MUC5B: variants seen among roughly 807,000 people sequenced by gnomAD.
MUC5B encodes the protein mucin-5B.
MUC5B carries 116 observed loss-of-function variants against 376.9 expected under a neutral mutation model. That is an observed-to-expected ratio of 0.31 (90% CI 0.26 to 0.36). The LOEUF is 0.36. Ranked by LOEUF, MUC5B falls within the 10% of genes least tolerant of loss-of-function variation. The pLI is 1.00. For synonymous variants in MUC5B, 3,517 were observed against 3,390.9 expected, an observed-to-expected ratio of 1.04 and a Z score of -1.29; for missense variants, 7,165 against 7,769.9, an observed-to-expected ratio of 0.92 and a Z score of 2.93.
At chr11:1,224,462 CTGCCTGGGGGGGAGGGGT>C (rs1256565749) in intron 1 of MUC5B, among the ~76,000 whole-genome samples, 3 of 137,622 alleles carry the variant, frequency 2.2e-5, no homozygotes, top group Admixed American at 7.4e-5. Context: ...AGGGGAGGGG[CTGCCTGGGGGGGAGGGGT>C]TGCCTGGGTT....
chr11:1,254,729 C>A lies in MUC5B; in HGVS notation c.15513C>A (p.Phe5171Leu). 6.2e-7 allele frequency: 1 copy of A among 1,612,864 alleles called. No homozygotes were observed. The highest frequency in any genetic ancestry group is 8.5e-7 in the Non-Finnish European group (1 of 1,179,736). The part of the protein sequence containing the change: ...LFDQIPVSSG[F>L]SKNGVLVSVL... ...ACCAAATTCCGGTGAGCAGCGGTTT[C>A]AGCAAGAACGGCGTGCTTGTGTCTG... is the stretch of plus-strand genomic sequence containing the variant. Residue 5171 changes from phenylalanine (F) to leucine (L), a missense_variant, in exon 35 of 49, where the codon TTC becomes TTA. Physicochemically the swap from Phe to Leu is conservative, Grantham distance 22 (BLOSUM62 0). Coordinates refer to ENST00000529681, the MANE Select transcript of MUC5B (RefSeq NM_002458.3).
Position 1,243,332 on chromosome 11 carries a change from C to T in MUC5B, c.6452C>T (p.Ser2151Leu), listed in dbSNP as rs1414255598. 1 of 1,557,906 alleles carries T rather than the reference C, an allele frequency of 6.4e-7. No homozygotes were observed. The highest frequency in any genetic ancestry group is 8.7e-7 in the Non-Finnish European group (1 of 1,150,886). The change falls in exon 31 of 49, where the codon TCA (serine) becomes TTA (leucine). Residue 2151 changes from serine to leucine, a missense_variant. Coordinates refer to ENST00000529681, the MANE Select transcript of MUC5B (RefSeq NM_002458.3). ...TATGSTTNPSSTPGTTPIPPV... is the reference protein window; with the variant it reads ...TATGSTTNPSLTPGTTPIPPV... Reference sequence around the variant, plus strand: ...ACCGGCTCCACCACCAACCCCTCCTCAACTCCTGGGACAACTCCCATCCCC... The same window carrying T: ...ACCGGCTCCACCACCAACCCCTCCTTAACTCCTGGGACAACTCCCATCCCC...
At position 1,242,073 on chromosome 11, in the gene MUC5B, C is replaced by A. The variant is rs772527849; in HGVS notation, c.5193C>A (p.Gly1731=). 18 of 1,607,924 alleles carry A rather than the reference C, an allele frequency of 1.1e-5. No individual in the cohort carries two copies. The East Asian group carries it at 4.0e-4, about 36-fold the overall frequency. The change falls in exon 31 of 49, where the codon GGC becomes GGA. Residue 1731 remains glycine (G), a synonymous_variant. Coordinates refer to ENST00000529681, the MANE Select transcript of MUC5B (RefSeq NM_002458.3). Reference sequence around the variant, plus strand: ...CAACCTCCAGAGCTCGCCCGACAGGCACAGCCAGCACCGCTTCCAAAGAGC... The same window carrying A: ...CAACCTCCAGAGCTCGCCCGACAGGAACAGCCAGCACCGCTTCCAAAGAGC... ...TMATSRARPT[G]TASTASKEPL...
chr11:1,223,507 G>C (rs951066139), intron 1 of MUC5B: 4 of 459,728 alleles, frequency 8.7e-6, no homozygotes, highest in Non-Finnish European at 1.6e-5. Context: ...GGGCAATGGG[G>C]GAGGGGGTCA....
chr11:1,240,027 C>A lies in MUC5B; in HGVS notation c.3729-18C>A, dbSNP rs764377708. 6.3e-7 allele frequency: 1 copy of A among 1,587,122 alleles called. No homozygotes were observed. The highest frequency in any genetic ancestry group is 1.2e-5 in the South Asian group (1 of 86,802). On this transcript the variant is annotated intron_variant, in intron 28 of 48. Transcript: ENST00000529681. ...GGCTGCCCCCCAGGCCCTCAGCTCG[C>A]CTCTCCCCCACCCCTAGTAACTGCA...
At chr11:1,231,107 G>A in intron 13 of MUC5B, 102 bp downstream of exon 13, 1 of 1,221,488 alleles carries the variant, frequency 8.2e-7, no homozygotes. Flanking sequence ...AGTTCTCCGT[G>A]GCCTCGGGCA....
chr11:1,243,588 C>G lies in MUC5B; in HGVS notation c.6708C>G (p.His2236Gln). 6 of 1,608,836 alleles carry G rather than the reference C, an allele frequency of 3.7e-6. No individual in the cohort carries two copies. The highest frequency in any genetic ancestry group is 5.1e-6 in the Non-Finnish European group (6 of 1,178,398). ...HITEPSTVTSHTLAATTGTTQ... is the reference protein window; with the variant it reads ...HITEPSTVTSQTLAATTGTTQ... ...CAGAGCCTTCCACGGTGACTTCCCACACCCTAGCAGCAACCACCGGTACCA... is the reference window on the plus strand; with the variant it reads ...CAGAGCCTTCCACGGTGACTTCCCAGACCCTAGCAGCAACCACCGGTACCA... The change falls in exon 31 of 49, where the codon CAC (histidine) becomes CAG (glutamine). Residue 2236 changes from histidine (H) to glutamine (Q), a missense_variant. By Grantham distance (24) the His-to-Gln change is conservative. Around this residue, in one of 31 missense-constraint regions of MUC5B, gnomAD observed 67 missense variants for 103.0 expected, o/e 0.65. Coordinates refer to ENST00000529681, the MANE Select transcript of MUC5B (RefSeq NM_002458.3).
chr11:1,259,779 C>T lies in MUC5B; in HGVS notation c.16737C>T (p.Ala5579=), dbSNP rs146137912. ...AGGGCTTTGAGTACAAGAGAGTGGC[C>T]GGGCAGTGCTGTGGGGAGTGCGTCC... ...CPQGFEYKRV[A]GQCCGECVQT... is the part of the protein sequence containing the mutation. The change falls in exon 45 of 49, where the codon GCC becomes GCT. Residue 5579 remains alanine (A), a synonymous_variant. Transcript: ENST00000529681. 243 of 1,612,380 alleles carry T rather than the reference C, an allele frequency of 1.5e-4. No homozygotes were observed. The African/African-American group carries it at 2.5e-3, about 16-fold the overall frequency.
Position 1,261,857 on chromosome 11 carries a change from G to T in MUC5B, c.*249G>T, listed in dbSNP as rs757663662. 8.9e-5 allele frequency: 61 copies of T among 688,412 alleles called. No individual in the cohort carries two copies. The highest frequency in any genetic ancestry group is 1.4e-4 in the Non-Finnish European group (54 of 376,410). 42.6% of individuals were successfully genotyped at this position (688,412 alleles called of 1,614,324 possible). ...AGAGCCTGTGGCCCACCTTGGCCTT[G>T]CCCCTCCCTGATGTCACTGGGACGC... On this transcript the variant is annotated 3_prime_UTR_variant, in exon 49 of 49. Transcript: ENST00000529681.
chr11:1,240,286 C>T lies in MUC5B; in HGVS notation c.3881C>T (p.Thr1294Ile). ...CLIAICGSNG[T>I]IIRKAVACPG... ...ATCGCCATCTGCGGAAGCAACGGCA[C>T]CATCATCAGGAAGGCTGTGGCATGT... Residue 1294 changes from threonine (T) to isoleucine (I), a missense_variant, in exon 30 of 49, where the codon ACC (threonine) becomes ATC (isoleucine). Thr to Ile is a moderately conservative substitution (Grantham distance 89). Coordinates refer to ENST00000529681, the MANE Select transcript of MUC5B (RefSeq NM_002458.3). The T allele has an allele frequency of 6.2e-7, 1 of 1,613,732 alleles. No homozygotes were observed. The highest frequency in any genetic ancestry group is 1.1e-5 in the South Asian group (1 of 91,082).
chr11:1,252,237 G>A (rs1227626561), intron 31 of MUC5B, 106 bp from the exon 32 acceptor site: 1 of 1,150,944 alleles, frequency 8.7e-7, no homozygotes, highest in African/African-American at 1.6e-5. Flanking sequence ...TCCCTTCCCT[G>A]GAACCGCTGC....
At chr11:1,252,304 T>C in intron 31 of MUC5B, 39 bp from the exon 32 acceptor site, 1 of 1,515,042 alleles carries the variant, frequency 6.6e-7, no homozygotes, top group Non-Finnish European at 8.9e-7. Context: ...TACCCATCTC[T>C]GGGAGTGGCT....
Position 1,259,043 on chromosome 11 carries a change from CAAT to C in MUC5B, c.16697_16699del (p.Asn5566del), listed in dbSNP as rs770364562. 17 of 1,553,208 alleles carry C rather than the reference CAAT, an allele frequency of 1.1e-5. No individual in the cohort carries two copies. The Admixed American group carries it at 3.3e-4, about 30-fold the overall frequency. ...TGCAATGTCAGGAGGATGCCTGCAA[CAAT>C]ACTACCTGTCCCCAGGTGAGACCCG... On this transcript the variant is annotated inframe_deletion, in exon 44 of 49. Transcript: ENST00000529681.
intron 24 of MUC5B, 113 bp downstream of exon 24, chr11:1,236,675 C>A: frequency 8.2e-7 from 1 of 1,222,762 alleles, no homozygotes; most frequent in Non-Finnish European, 1.1e-6. Flanking sequence ...GTGAGCCTGG[C>A]TGGTGAGGGC....
intron 18 of MUC5B, 81 bp downstream of exon 18, chr11:1,233,349 C>A: frequency 7.1e-7 from 1 of 1,408,766 alleles, no homozygotes; most frequent in Non-Finnish European, 9.3e-7. Context: ...TCTGTGCCTC[C>A]CCCCGAGGGT....
Position 1,236,510 on chromosome 11 carries a change from T to C in MUC5B, c.3005T>C (p.Val1002Ala). ...FLVIETHGMA[V>A]SWDRKTSVFI... ...GTCATCGAGACCCACGGGATGGCCGTGTCCTGGGACCGGAAGACCAGCGTG... is the reference window on the plus strand; with the variant it reads ...GTCATCGAGACCCACGGGATGGCCGCGTCCTGGGACCGGAAGACCAGCGTG... Residue 1002 changes from valine to alanine, a missense_variant, in exon 24 of 49, where the codon GTG becomes GCG. Transcript: ENST00000529681. The C allele has an allele frequency of 1.2e-6, 2 of 1,613,112 alleles. No homozygotes were observed. Among genetic ancestry groups the C allele is most frequent in the Non-Finnish European group, 1.7e-6 (2 of 1,179,828 alleles).
rs779700720 is a variant in MUC5B, at chr11:1,230,529, C to T, written c.1399C>T (p.Arg467Trp). 13 of 1,611,200 alleles carry T rather than the reference C, an allele frequency of 8.1e-6. No homozygotes were observed. The highest frequency in any genetic ancestry group is 1.7e-5 in the Admixed American group (1 of 59,852). ...CAGCTTCACCGTGCTGGCTGAGCTG[C>T]GGAAGTGCGGCCTGACGGACAACGA... Reference protein sequence around the residue: ...DSSFTVLAELRKCGLTDNENC... With the variant: ...DSSFTVLAELWKCGLTDNENC... The change falls in exon 12 of 49, where the codon CGG (arginine) becomes TGG (tryptophan). Residue 467 changes from arginine to tryptophan, a missense_variant. Arg to Trp is a moderately radical substitution (Grantham distance 101). Coordinates refer to ENST00000529681, the MANE Select transcript of MUC5B (RefSeq NM_002458.3).
In MUC5B at chr11:1,257,550, C is replaced by G; in HGVS notation, c.16290C>G (p.Ser5430Arg). ...TCCAGCCCGGGGAGCGGTGGGTCAGCAACTGCCAGTCCTGCGTGTGTGACG... is the reference window on the plus strand; with the variant it reads ...TCCAGCCCGGGGAGCGGTGGGTCAGGAACTGCCAGTCCTGCGTGTGTGACG... ...FPKFPGERWVSNCQSCVCDEG... is the reference protein window; with the variant it reads ...FPKFPGERWVRNCQSCVCDEG... The change falls in exon 41 of 49, where the codon AGC (serine) becomes AGG (arginine). Residue 5430 changes from serine (S) to arginine (R), a missense_variant. Coordinates refer to ENST00000529681, the MANE Select transcript of MUC5B (RefSeq NM_002458.3). This position sits in a 1 kb window ranked among gnomAD's most constrained non-coding sequence, Gnocchi z 8.9. 6.2e-7 allele frequency: 1 copy of G among 1,608,456 alleles called. No homozygotes were observed. Among genetic ancestry groups the G allele is most frequent in the Non-Finnish European group, 8.5e-7 (1 of 1,179,646 alleles).
chr11:1,235,327 C>T lies in MUC5B; in HGVS notation c.2794C>T (p.His932Tyr), dbSNP rs1862132326. 2 of 1,612,914 alleles carry T rather than the reference C, an allele frequency of 1.2e-6. No homozygotes were observed. Among genetic ancestry groups the T allele is most frequent in the Admixed American group, 3.3e-5 (2 of 59,982 alleles). ...GGACTACTGTGGGGACAACACCACC[C>T]ACGGGACCTTCCGCATCGTCACCGA... Reference protein sequence around the residue: ...AQDYCGDNTTHGTFRIVTENI... With the variant: ...AQDYCGDNTTYGTFRIVTENI... Residue 932 changes from histidine (H) to tyrosine (Y), a missense_variant, in exon 23 of 49, where the codon CAC (histidine) becomes TAC (tyrosine). Transcript: ENST00000529681.
Sources: gnomAD v4.1 joint callset for allele counts (sites outside exome capture counted in the v4.1 genomes callset) on GRCh38, gnomAD v4.1.1 for gene constraint, gnomAD v4.1.1 regional missense constraint, Gnocchi (gnomAD v3.1) non-coding constraint, MANE v1.5 for transcripts, NCBI Gene and HGNC (gene_info 2026-07-23, HGNC 2026-07-21) for gene names.